The following SEZ6L2 variants were observed in gnomAD, a reference collection of about 807,000 sequenced individuals.
SEZ6L2 encodes the protein seizure 6-like protein 2.
Under a neutral mutation model 97.0 loss-of-function variants are expected in SEZ6L2, and 44 were observed. The observed-to-expected ratio is 0.45, with a 90% CI of 0.36 to 0.58. The LOEUF (loss-of-function observed/expected upper bound fraction) is 0.58, where lower values mean the gene tolerates loss of function less well. Among genes scored for constraint, SEZ6L2 ranks in the 20% least tolerant of loss-of-function variants. The pLI is 0.00. For missense variants in SEZ6L2, 1,086 were observed against 1,233.3 expected, an observed-to-expected ratio of 0.88 and a Z score of 1.79; for synonymous variants, 543 against 546.1, an observed-to-expected ratio of 0.99 and a Z score of 0.08.
intron 2 of SEZ6L2, 57 bp from the exon 3 acceptor site, chr16:29,897,178 G>A: frequency 7.1e-7 from 1 of 1,407,746 alleles, no homozygotes; most frequent in African/African-American, 1.4e-5. Flanking sequence ...GACCTTGGGT[G>A]GGGAGCAGGG....
In SEZ6L2 at chr16:29,899,103, TTTAA is replaced by T. The variant is rs1336664369; in HGVS notation, c.-88_-85del. On this transcript the variant is annotated 5_prime_UTR_variant, in exon 1 of 18. Coordinates refer to ENST00000617533, the MANE Select transcript of SEZ6L2 (RefSeq NM_001243332.2). ...TCCTCCGTCTCCGTTTATCTTTCCC[TTTAA>T]TTGTTTTTTTTTTTTTTTTTTTTTT... 118 of 867,068 alleles carry T rather than the reference TTTAA, an allele frequency of 1.4e-4. 1 individual carries two copies. In the South Asian group the frequency reaches 1.8e-3, roughly 13 times the overall value. The allele number at this position is 867,068 out of a possible 1,614,324, so 53.7% of individuals were successfully genotyped here. A position where few individuals can be genotyped will look rare whatever the true frequency, so the allele number is the denominator to read the frequency against.
intron 12 of SEZ6L2, among the ~76,000 whole-genome samples, chr16:29,874,547 C>CTTGTTT (rs2067858300): frequency 4.1e-5 from 1 of 24,540 alleles, no homozygotes; most frequent in African/African-American, 1.5e-4. Context: ...TGTGTGTGTG[C>CTTGTTT]TTGTTTTTTT....
intron 7 of SEZ6L2, 85 bp downstream of exon 7, chr16:29,887,564 G>A (rs1249291523): frequency 5.2e-6 from 7 of 1,333,808 alleles, no homozygotes; most frequent in African/African-American, 4.6e-5. Flanking sequence ...CGCCTGCTTC[G>A]GCCTCCCAAA....
Position 29,871,266 on chromosome 16 carries a change from A to G in SEZ6L2, c.*433T>C. On this transcript the variant is annotated 3_prime_UTR_variant, in exon 18 of 18. Coordinates refer to ENST00000617533, the MANE Select transcript of SEZ6L2 (RefSeq NM_001243332.2). ...CAGGAAGGGGGCAAGGCCTTGTCCC[A>G]GCTCTCCCCTTTGTCCTTCTTCTGA... 1 of 230,370 alleles carries G rather than the reference A, an allele frequency of 4.3e-6. No homozygotes were observed. The highest frequency in any genetic ancestry group is 8.8e-6 in the Non-Finnish European group (1 of 113,424). The allele number at this position is 230,370 out of a possible 1,614,324, so 14.3% of individuals were successfully genotyped here.
Position 29,873,686 on chromosome 16 carries a change from G to A in SEZ6L2, c.2148C>T (p.Arg716=), listed in dbSNP as rs1485012192. Reference sequence around the variant, plus strand: ...CGGGGAAGCCGGCGTCCGAGGCGGTGCGGTGCCCGTTGGCAATCTCGCCAG... The same window carrying A: ...CGGGGAAGCCGGCGTCCGAGGCGGTACGGTGCCCGTTGGCAATCTCGCCAG... ...ADPGEIANGH[R]TASDAGFPVG... is the part of the protein sequence containing the mutation. Residue 716 remains arginine (R), a synonymous_variant, in exon 13 of 18, where the codon CGC becomes CGT. Transcript: ENST00000617533. This position sits in a 1 kb window ranked among gnomAD's most constrained non-coding sequence, Gnocchi z 4.3. 1 of 1,610,068 alleles carries A rather than the reference G, an allele frequency of 6.2e-7. No individual in the cohort carries two copies. Among genetic ancestry groups the A allele is most frequent in the Admixed American group, 1.7e-5 (1 of 59,846 alleles).
chr16:29,899,116 T>TG lies in SEZ6L2; in HGVS notation c.-98_-97insC. On this transcript the variant is annotated 5_prime_UTR_variant, in exon 1 of 18. Transcript: ENST00000617533. Reference sequence around the variant, plus strand: ...TTTATCTTTCCCTTTAATTGTTTTTTTTTTTTTTTTTTTTTTCCTCGTAGG... The same window carrying TG: ...TTTATCTTTCCCTTTAATTGTTTTTTGTTTTTTTTTTTTTTTTCCTCGTAGG... 1 of 745,342 alleles carries TG rather than the reference T, an allele frequency of 1.3e-6. No homozygotes were observed. The highest frequency in any genetic ancestry group is 2.1e-6 in the Non-Finnish European group (1 of 484,066). The allele number at this position is 745,342 out of a possible 1,614,324, so 46.2% of individuals were successfully genotyped here.
chr16:29,899,389 C>A lies in SEZ6L2; in HGVS notation c.-370G>T. 4.1e-6 allele frequency: 1 copy of A among 242,086 alleles called. No homozygotes were observed. The highest frequency in any genetic ancestry group is 7.6e-6 in the Non-Finnish European group (1 of 131,020). 15.0% of individuals were successfully genotyped at this position (242,086 alleles called of 1,614,324 possible). ...GCTGTCTGGACCCCAAGCTAGGGGA[C>A]TGGGGAGGAGAAAGACAGCTTCTGG... is the stretch of plus-strand genomic sequence containing the variant. On this transcript the variant is annotated 5_prime_UTR_variant, in exon 1 of 18. Transcript: ENST00000617533.
In SEZ6L2 at chr16:29,873,365, T is replaced by C; in HGVS notation, c.2363A>G (p.His788Arg). The change falls in exon 14 of 18, where the codon CAC (histidine) becomes CGC (arginine). Residue 788 changes from histidine (H) to arginine (R), a missense_variant. By Grantham distance (29) the His-to-Arg change is conservative. This residue lies in a region of SEZ6L2 where 310 missense variants were observed against 438.6 expected (regional missense o/e 0.71). Coordinates refer to ENST00000617533, the MANE Select transcript of SEZ6L2 (RefSeq NM_001243332.2). The surrounding 1 kb of genome is among the most constrained non-coding windows in gnomAD (Gnocchi z 4.3). ...ENGYQTLYKH[H>R]YQAGESLRFF... ...GCGCAGAGACTCGCCCGCCTGGTAG[T>C]GGTGCTTGTACAGCGTCTGGTAGCC... is the stretch of plus-strand genomic sequence containing the variant. The C allele has an allele frequency of 1.2e-6, 2 of 1,614,198 alleles. No homozygotes were observed. Among genetic ancestry groups the C allele is most frequent in the East Asian group, 4.5e-5 (2 of 44,886 alleles).
chr16:29,881,909 C>T (rs1272042249), intron 8 of SEZ6L2, among the ~76,000 whole-genome samples: 3 of 147,478 alleles, frequency 2.0e-5, no homozygotes, highest in Non-Finnish European at 3.0e-5. Context: ...GGATTATAGG[C>T]GTGAGCCACC....
At chr16:29,884,747 T>C (rs1257460534) in intron 8 of SEZ6L2, among the ~76,000 whole-genome samples, 2 of 148,486 alleles carry the variant, frequency 1.3e-5, no homozygotes, top group Admixed American at 6.7e-5. Context: ...AACCCCATTT[T>C]TACTAAAAAT....
rs1239563010 is a variant in SEZ6L2 at position 29,885,618 on chromosome 16, G to A, written c.1340C>T (p.Ala447Val). ...LYVELLSETP[A>V]NPLLLSLRFE... ...TCGAAGGCTTAACAGCAGGGGATTG[G>A]CAGGTGTCTCTGACAGCAGCTCCAC... is the stretch of plus-strand genomic sequence containing the variant. The change falls in exon 8 of 18, where the codon GCC (alanine) becomes GTC (valine). Residue 447 changes from alanine (A) to valine (V), a missense_variant. Coordinates refer to ENST00000617533, the MANE Select transcript of SEZ6L2 (RefSeq NM_001243332.2). 1.4e-5 allele frequency: 23 copies of A among 1,614,060 alleles called. No homozygotes were observed. The highest frequency in any genetic ancestry group is 1.9e-5 in the Non-Finnish European group (23 of 1,179,958).
At chr16:29,875,657 C>CTT in intron 12 of SEZ6L2, among the ~76,000 whole-genome samples, 1 of 66,380 alleles carries the variant, frequency 1.5e-5, no homozygotes. Context: ...TTCTTTCTTT[C>CTT]TTTCTTTCTT....
intron 3 of SEZ6L2, among the ~76,000 whole-genome samples, chr16:29,896,245 T>C (rs2068386073): frequency 6.6e-6 from 1 of 152,084 alleles, no homozygotes; most frequent in Admixed American, 6.6e-5. Flanking sequence ...ATTACAGCTG[T>C]GCGCTGCTGT....
chr16:29,878,594 A>C (rs1296342561), intron 9 of SEZ6L2, among the ~76,000 whole-genome samples, 169 bp from the exon 10 acceptor site: 1 of 151,304 alleles, frequency 6.6e-6, no homozygotes. Context: ...ATTTATTTTT[A>C]AATTTTTTTT....
Position 29,898,942 on chromosome 16 carries a change from C to T in SEZ6L2, c.78G>A (p.Gln26=). Residue 26 remains glutamine (Q), a splice_region_variant and synonymous_variant, in exon 1 of 18, where the codon CAG becomes CAA. Transcript: ENST00000617533. ...ACCCCCACAGTCTCATGTCCTTACC[C>T]TGGATCCAGGGACAGCTCAGCAGAA... The part of the protein sequence containing the change: ...FLILLSCPWI[Q]GLPLKEEEIL... 1 of 1,610,250 alleles carries T rather than the reference C, an allele frequency of 6.2e-7. No individual in the cohort carries two copies. The highest frequency in any genetic ancestry group is 1.3e-5 in the African/African-American group (1 of 74,746).
chr16:29,879,992 C>T lies in SEZ6L2; in HGVS notation c.1445G>A (p.Arg482His), dbSNP rs758674415. 6.7e-5 allele frequency: 108 copies of T among 1,613,990 alleles called. No individual in the cohort carries two copies. The highest frequency in any genetic ancestry group is 6.2e-5 in the Non-Finnish European group (73 of 1,180,022). The part of the protein sequence containing the change: ...GNVTTTDPEY[R>H]PGALATFSCL... ...CGAGAAGGTTGCCAGTGCCCCTGGG[C>T]GATACTCAGGGTCCGTGGTAGTGAC... Residue 482 changes from arginine to histidine, a missense_variant, in exon 9 of 18, where the codon CGC becomes CAC. By Grantham distance (29) the Arg-to-His change is conservative (BLOSUM62 0). Transcript: ENST00000617533.
At chr16:29,877,029 G>T in intron 11 of SEZ6L2, 79 bp from the exon 12 acceptor site, 2 of 1,409,886 alleles carry the variant, frequency 1.4e-6, no homozygotes, top group Non-Finnish European at 1.9e-6. Context: ...TTTGCTCTGT[G>T]CCCCCTCCCG....
Position 29,895,266 on chromosome 16 carries a change from G to A in SEZ6L2, c.846C>T (p.His282=). The A allele has an allele frequency of 6.2e-7, 1 of 1,612,764 alleles. No homozygotes were observed. The highest frequency in any genetic ancestry group is 8.5e-7 in the Non-Finnish European group (1 of 1,179,280). The stretch of plus-strand genomic sequence containing the variant: ...CACCCTCAAACTCCTCACCCTGATA[G>A]TGGATCCTGAAGCCACCGCCCCTTG... ...RVPRGGGFRI[H]YQAYLLSCGF... is the part of the protein sequence containing the mutation. The change falls in exon 5 of 18, where the codon CAC becomes CAT. Residue 282 remains histidine (H), a synonymous_variant. Coordinates refer to ENST00000617533, the MANE Select transcript of SEZ6L2 (RefSeq NM_001243332.2).
chr16:29,872,299 G>A lies in SEZ6L2; in HGVS notation c.2646-16C>T. 6.2e-7 allele frequency: 1 copy of A among 1,607,098 alleles called. No homozygotes were observed. The highest frequency in any genetic ancestry group is 8.5e-7 in the Non-Finnish European group (1 of 1,175,504). The stretch of plus-strand genomic sequence containing the variant: ...TCCCTGAAGCCTGGGAAAGGGAGAG[G>A]ACAGAGGAGCTTATCAACAGGTAAG... On this transcript the variant is annotated splice_polypyrimidine_tract_variant and intron_variant, in intron 16 of 17. Coordinates refer to ENST00000617533, the MANE Select transcript of SEZ6L2 (RefSeq NM_001243332.2).
Sources: gnomAD v4.1 joint callset for allele counts (sites outside exome capture counted in the v4.1 genomes callset) on GRCh38, gnomAD v4.1.1 for gene constraint, gnomAD v4.1.1 regional missense constraint, Gnocchi (gnomAD v3.1) non-coding constraint, MANE v1.5 for transcripts, NCBI Gene and HGNC (gene_info 2026-07-23, HGNC 2026-07-21) for gene names.